Variants in CEP112 observed in about 807,000 individuals in gnomAD.
CEP112 encodes centrosomal protein 112, also known as centrosomal protein of 112 kDa.
Under a neutral mutation model 153.0 loss-of-function variants are expected in CEP112, and 127 were observed. The observed-to-expected ratio is 0.83, with a 90% CI of 0.72 to 0.96. The LOEUF (loss-of-function observed/expected upper bound fraction) is 0.96, where lower values mean the gene tolerates loss of function less well. Among genes scored for constraint, CEP112 ranks in the 40% least tolerant of loss-of-function variants. The pLI, the probability that CEP112 is intolerant of heterozygous loss-of-function variation, is 0.00. For missense variants in CEP112, 1,089 were observed against 1,101.2 expected (o/e 0.99, Z 0.16); for synonymous variants, 358 against 374.4 (o/e 0.96, Z 0.51).
At chr17:66,090,855 C>A (rs920348240) in intron 8 of CEP112, among the ~76,000 whole-genome samples, 3 of 152,006 alleles carry the variant, frequency 2.0e-5, no homozygotes, top group Non-Finnish European at 4.4e-5. Context: ...GAAAAGATAT[C>A]TCATGCAAAC....
chr17:66,009,189 TTGTGTGTGTGTGTGTGTGTGTG>T (rs34971943), intron 16 of CEP112, among the ~76,000 whole-genome samples: 6 of 146,856 alleles, frequency 4.1e-5, no homozygotes, highest in Admixed American at 2.7e-4. Flanking sequence ...TGTTATCCCT[TTGTGTGTGTGTGTGTGTGTGTG>T]TGTGTGTGTG....
chr17:66,038,948 G>T (rs1015084797), intron 12 of CEP112, among the ~76,000 whole-genome samples: 1 of 152,130 alleles, frequency 6.6e-6, no homozygotes, highest in Non-Finnish European at 1.5e-5. Context: ...GGCAACAACG[G>T]CCAGGACTCA....
intron 12 of CEP112, among the ~76,000 whole-genome samples, chr17:66,037,138 TTA>T: frequency 6.6e-6 from 1 of 152,320 alleles, no homozygotes; most frequent in East Asian, 1.9e-4. Context: ...AAATAATCTG[TTA>T]CCATAAAATG....
intron 24 of CEP112, among the ~76,000 whole-genome samples, chr17:65,677,256 A>G (rs903491081): frequency 2.6e-5 from 4 of 152,256 alleles, no homozygotes; most frequent in African/African-American, 9.6e-5. Context: ...AGAAGTTCCT[A>G]GAGTATAACC....
chr17:65,656,950 A>C (rs540066531), intron 24 of CEP112, among the ~76,000 whole-genome samples: 1 of 152,248 alleles, frequency 6.6e-6, no homozygotes, highest in Non-Finnish European at 1.5e-5. Context: ...AAAGACAAAG[A>C]GAAGATTCTG....
intron 23 of CEP112, among the ~76,000 whole-genome samples, chr17:65,734,566 T>C (rs193260516): frequency 1.1e-4 from 16 of 152,218 alleles, no homozygotes; most frequent in African/African-American, 3.6e-4. Flanking sequence ...GAAAAATAAC[T>C]ATTTTCCAAA....
At chr17:65,684,165 C>A (rs958022501) in intron 24 of CEP112, among the ~76,000 whole-genome samples, 8 of 152,244 alleles carry the variant, frequency 5.3e-5, no homozygotes, top group Non-Finnish European at 8.8e-5. Flanking sequence ...ATAACTTATT[C>A]ATCTTCGTTT....
intron 4 of CEP112, among the ~76,000 whole-genome samples, chr17:66,138,828 C>T (rs1568536998): frequency 1.3e-5 from 2 of 152,004 alleles, no homozygotes; most frequent in Admixed American, 6.6e-5. Context: ...AACAAAATGA[C>T]TTATTAAGTC....
At chr17:66,005,489 A>G (rs1370561980) in intron 17 of CEP112, among the ~76,000 whole-genome samples, 1 of 141,224 alleles carries the variant, frequency 7.1e-6, no homozygotes, top group Non-Finnish European at 1.5e-5. Flanking sequence ...ACTTAAAAAC[A>G]GCTGAACTGA....
intron 24 of CEP112, among the ~76,000 whole-genome samples, chr17:65,666,198 G>A (rs1001326283): frequency 1.3e-5 from 2 of 152,184 alleles, no homozygotes; most frequent in African/African-American, 2.4e-5. Context: ...CCAGGCTACC[G>A]CCTGTTGCTA....
intron 6 of CEP112, among the ~76,000 whole-genome samples, chr17:66,122,324 T>C (rs1220508905): frequency 6.6e-6 from 1 of 152,244 alleles, no homozygotes; most frequent in Non-Finnish European, 1.5e-5. Context: ...AATTTTTCTC[T>C]GTATAAGGGC....
At chr17:65,772,908 AT>A (rs1236208988) in intron 21 of CEP112, among the ~76,000 whole-genome samples, 1 of 152,146 alleles carries the variant, frequency 6.6e-6, no homozygotes, top group Non-Finnish European at 1.5e-5. Context: ...AATGATGATG[AT>A]GATGACAATG....
chr17:66,064,725 G>A (rs745622555), intron 10 of CEP112, among the ~76,000 whole-genome samples: 6 of 152,058 alleles, frequency 3.9e-5, no homozygotes, highest in Non-Finnish European at 7.4e-5. Context: ...AATTCAAAAT[G>A]CCTTTAGAAA....
intron 23 of CEP112, among the ~76,000 whole-genome samples, chr17:65,723,425 A>G (rs1175893682): frequency 3.3e-5 from 5 of 152,248 alleles, no homozygotes; most frequent in African/African-American, 9.6e-5. Flanking sequence ...ACCTACAAAA[A>G]TGATTCACTG....
intron 21 of CEP112, among the ~76,000 whole-genome samples, chr17:65,835,345 G>T (rs528550004): frequency 6.6e-6 from 1 of 151,952 alleles, no homozygotes; most frequent in Admixed American, 6.6e-5. Flanking sequence ...TACCATCCAC[G>T]CACAGGAAGA....
intron 24 of CEP112, among the ~76,000 whole-genome samples, chr17:65,667,750 A>G (rs957127631): frequency 3.3e-5 from 5 of 152,204 alleles, no homozygotes; most frequent in African/African-American, 9.7e-5. Context: ...TATACTGAGG[A>G]TAAACGTAAC....
chr17:66,158,536 C>G (rs1418646742), intron 4 of CEP112, among the ~76,000 whole-genome samples: 1 of 152,050 alleles, frequency 6.6e-6, no homozygotes, highest in African/African-American at 2.4e-5. Context: ...GGCGTGAACC[C>G]AGGAGGTGGA....
chr17:65,641,101 C>T, intron 24 of CEP112, 36 bp from the exon 25 acceptor site: 2 of 1,113,474 alleles, frequency 1.8e-6, no homozygotes, highest in Non-Finnish European at 2.8e-6. Context: ...ATCTTTTTAC[C>T]ACATAAATGA....
chr17:65,889,044 G>GGCAAAGTTCTCTGTGGACATGA (rs2059379602), intron 20 of CEP112, among the ~76,000 whole-genome samples: 1 of 152,064 alleles, frequency 6.6e-6, no homozygotes, highest in Admixed American at 6.5e-5. Context: ...GTACCTAATT[G>GGCAAAGTTCTCTGTGGACATGA]GCAAAGTTCT....
Sources: allele counts gnomAD v4.1 joint callset (sites outside exome capture counted in the v4.1 genomes callset), GRCh38; gene constraint gnomAD v4.1.1; transcripts MANE v1.5; gene names NCBI Gene and HGNC (gene_info 2026-07-23, HGNC 2026-07-21).